Variants in HIVEP1 observed in about 807,000 individuals in gnomAD.
The protein encoded by HIVEP1 is HIVEP zinc finger 1, also known as zinc finger protein 40.
In HIVEP1, 36 loss-of-function variants were observed where a neutral mutation model predicts 180.0. That is an observed-to-expected ratio of 0.20 (90% CI 0.15 to 0.26). The LOEUF (loss-of-function observed/expected upper bound fraction) is 0.26, where lower values mean the gene tolerates loss of function less well. Ranked by LOEUF, HIVEP1 falls within the 10% of genes least tolerant of loss-of-function variation. HIVEP1 has a pLI of 1.00. For synonymous variants in HIVEP1, 1,239 were observed against 1,239.0 expected (o/e 1.00, Z 0.00); for missense variants, 3,143 against 3,268.7 (o/e 0.96, Z 0.94).
chr6:12,149,917 G>GC (rs1203004843), intron 7 of HIVEP1, among the ~76,000 whole-genome samples: 2 of 152,150 alleles, frequency 1.3e-5, no homozygotes, highest in Admixed American at 6.6e-5. Flanking sequence ...AGCAGGCTGC[G>GC]CGGTACCTGT....
At chr6:12,099,461 C>T (rs989230360) in intron 3 of HIVEP1, among the ~76,000 whole-genome samples, 2 of 152,222 alleles carry the variant, frequency 1.3e-5, no homozygotes, top group Admixed American at 6.5e-5. Context: ...CCACCGCGCC[C>T]GGCCTCACTG....
At chr6:12,010,010 T>TCA (rs544177705), upstream of HIVEP1, among the ~76,000 whole-genome samples, 56 of 152,368 alleles carry the variant, frequency 3.7e-4, no homozygotes, top group African/African-American at 1.2e-3. Context: ...GATACAAACT[T>TCA]CACTCATTAT....
At chr6:12,168,303 A>G (rs1470372219), downstream of HIVEP1, among the ~76,000 whole-genome samples, 2 of 128,320 alleles carry the variant, frequency 1.6e-5, no homozygotes. Context: ...ATATACATAT[A>G]TACATATATT....
At chr6:12,155,876 T>C (rs1199403982) in intron 7 of HIVEP1, among the ~76,000 whole-genome samples, 1 of 152,192 alleles carries the variant, frequency 6.6e-6, no homozygotes, top group Non-Finnish European at 1.5e-5. Flanking sequence ...ACTAGCAGTG[T>C]CAAAGCATTC....
At chr6:12,019,868 C>T (rs995591088) in intron 2 of HIVEP1, among the ~76,000 whole-genome samples, 3 of 152,102 alleles carry the variant, frequency 2.0e-5, no homozygotes, top group African/African-American at 4.8e-5. Context: ...GGGAAAAATA[C>T]GTATACTTGT....
chr6:12,194,952 ATAT>A, the HIVEP1 span, among the ~76,000 whole-genome samples: 1 of 152,206 alleles, frequency 6.6e-6, no homozygotes, highest in African/African-American at 2.4e-5. Flanking sequence ...AGCTGGGAAA[ATAT>A]TAATATAAAG....
chr6:12,017,717 C>T (rs1767905939), intron 2 of HIVEP1, among the ~76,000 whole-genome samples: 5 of 152,214 alleles, frequency 3.3e-5, no homozygotes, highest in Admixed American at 3.3e-4. Flanking sequence ...TTCTCCAGGT[C>T]CCCACTAGAT....
chr6:12,084,113 G>A (rs1189155138), intron 2 of HIVEP1, among the ~76,000 whole-genome samples: 3 of 152,122 alleles, frequency 2.0e-5, no homozygotes, highest in African/African-American at 7.2e-5. Context: ...AGCAAATTCA[G>A]TGTAATGCTA....
the HIVEP1 span, among the ~76,000 whole-genome samples, chr6:12,190,297 G>A: frequency 6.6e-6 from 1 of 152,150 alleles, no homozygotes; most frequent in Non-Finnish European, 1.5e-5. Context: ...AGTTGAATAA[G>A]CGGGTAGAAA....
the HIVEP1 span, among the ~76,000 whole-genome samples, chr6:12,203,010 A>T: frequency 6.6e-6 from 1 of 152,234 alleles, no homozygotes; most frequent in East Asian, 1.9e-4. Flanking sequence ...TCTAGATTCC[A>T]AAAAAGGACA....
downstream of HIVEP1, among the ~76,000 whole-genome samples, chr6:12,167,366 C>T (rs1334120891): frequency 1.3e-5 from 2 of 151,580 alleles, no homozygotes; most frequent in African/African-American, 4.8e-5. Context: ...CAGTCAACTT[C>T]AAATAATACC....
the HIVEP1 span, among the ~76,000 whole-genome samples, chr6:12,181,429 G>T: frequency 6.6e-6 from 1 of 151,758 alleles, no homozygotes; most frequent in African/African-American, 2.4e-5. Context: ...TCACTCTATT[G>T]CCCAGGATGG....
At chr6:12,187,593 CTT>C in the HIVEP1 span, among the ~76,000 whole-genome samples, 8,014 of 139,822 alleles carry the variant, frequency 0.057, 393 homozygotes, top group African/African-American at 0.14. Context: ...CCAAATAAAT[CTT>C]TTTTTTTTTT....
At position 12,124,062 on chromosome 6, in the gene HIVEP1, G is replaced by C; in HGVS notation, c.4267G>C (p.Glu1423Gln). Reference sequence around the variant, plus strand: ...AGTGACTGGGCATGTGCCTCTCTTAGAAAGAAGGAGAGGCCCACTGGTACG... The same window carrying C: ...AGTGACTGGGCATGTGCCTCTCTTACAAAGAAGGAGAGGCCCACTGGTACG... ...VGVTGHVPLL[E>Q]RRRGPLVRQI... is the part of the protein sequence containing the mutation. The change falls in exon 4 of 9, where the codon GAA becomes CAA. Residue 1423 changes from glutamate to glutamine, a missense_variant. By Grantham distance (29) the Glu-to-Gln change is conservative. Around this residue, in one of 12 missense-constraint regions of HIVEP1, gnomAD observed 1,357 missense variants for 1,260.5 expected, o/e 1.08. Transcript: ENST00000379388. 1 of 1,613,888 alleles carries C rather than the reference G, an allele frequency of 6.2e-7. No individual in the cohort carries two copies. The highest frequency in any genetic ancestry group is 1.1e-5 in the South Asian group (1 of 91,058).
chr6:12,109,237 C>T lies in HIVEP1; in HGVS notation c.95-10653C>T, dbSNP rs367817840. ...CTCAATCTCCTGACCTCGTGTTCCG[C>T]CCGCCTCAGCCTCCCAAAGTGCTGG... is the stretch of plus-strand genomic sequence containing the variant. On this transcript the variant is annotated intron_variant, in intron 3 of 8. Coordinates refer to ENST00000379388, the MANE Select transcript of HIVEP1 (RefSeq NM_002114.4). Among the ~76,000 whole-genome samples, 11 of 152,334 alleles carry T rather than the reference C, an allele frequency of 7.2e-5. No homozygotes were observed. In the East Asian group the frequency reaches 7.7e-4, roughly 11 times the overall value.
rs555460964 is a variant in HIVEP1, at chr6:12,147,741, G to A, written c.6487+11849G>A. 1.3e-3 allele frequency among the ~76,000 whole-genome samples: 199 copies of A among 152,334 alleles called. 1 individual carries two copies. Among genetic ancestry groups the A allele is most frequent in the African/African-American group, 4.5e-3 (186 of 41,564 alleles). ...CCTCTCTCATTCTCCACCAGATGGA[G>A]TTTAACAGTTTGGATGGAAAGTCTG... On this transcript the variant is annotated intron_variant, in intron 7 of 8. Coordinates refer to ENST00000379388, the MANE Select transcript of HIVEP1 (RefSeq NM_002114.4).
intron 2 of HIVEP1, among the ~76,000 whole-genome samples, chr6:12,082,076 T>C (rs1772825431): frequency 6.6e-6 from 1 of 152,108 alleles, no homozygotes; most frequent in South Asian, 2.1e-4. Context: ...TTTTACCTCT[T>C]TTTTTTGTGT....
rs1369543753 is a variant in HIVEP1 at position 12,125,210 on chromosome 6, A to G, written c.5415A>G (p.Thr1805=). 6.2e-7 allele frequency: 1 copy of G among 1,614,232 alleles called. No homozygotes were observed. Among genetic ancestry groups the G allele is most frequent in the South Asian group, 1.1e-5 (1 of 91,082 alleles). ...TTTTAGTGAGACAGGTTTGTACTAC[A>G]GAGCCCCTGGACGGTGTGATGTTGG... ...KPILVRQVCT[T]EPLDGVMLEK... Residue 1805 remains threonine, a synonymous_variant, in exon 4 of 9, where the codon ACA becomes ACG. Transcript: ENST00000379388.
At chr6:12,032,458 T>C (rs2113646152) in intron 2 of HIVEP1, among the ~76,000 whole-genome samples, 1 of 152,218 alleles carries the variant, frequency 6.6e-6, no homozygotes, top group South Asian at 2.1e-4. Context: ...ACTTTTATAT[T>C]TAAACTTCTA....
Sources: gnomAD v4.1 joint callset for allele counts (sites outside exome capture counted in the v4.1 genomes callset) on GRCh38, gnomAD v4.1.1 for gene constraint, gnomAD v4.1.1 regional missense constraint, MANE v1.5 for transcripts, NCBI Gene and HGNC (gene_info 2026-07-23, HGNC 2026-07-21) for gene names.